The following HLA-C variants were observed in gnomAD, a reference collection of about 807,000 sequenced individuals.
The protein encoded by HLA-C is major histocompatibility complex, class I, C.
In HLA-C, 15 loss-of-function variants were observed where a neutral mutation model predicts 36.9. The ratio of observed to expected loss-of-function variants is 0.41; its 90% CI spans 0.27 to 0.63. HLA-C has a LOEUF of 0.63. Among genes scored for constraint, HLA-C ranks in the 20% least tolerant of loss-of-function variants. The probability of loss-of-function intolerance (pLI) is 0.35; values close to 1 mark genes in which losing one functional copy is unlikely to be tolerated. For synonymous variants in HLA-C, 104 were observed against 174.3 expected, an observed-to-expected ratio of 0.60 and a Z score of 3.18; for missense variants, 272 against 400.4, an observed-to-expected ratio of 0.68 and a Z score of 2.74.
exon 8 of HLA-C, chr6:31,269,118 A>C: frequency 7.2e-7 from 1 of 1,379,792 alleles, no homozygotes. Flanking sequence ...TGAAGTCACA[A>C]AGGAGAGGTG....
In HLA-C at chr6:31,269,182, C is replaced by CA. The variant is rs765288380; in HGVS notation, c.1097-10dup. On this transcript the variant is annotated splice_polypyrimidine_tract_variant and intron_variant, in intron 7 of 7. Coordinates refer to ENST00000376228, the Ensembl canonical transcript of HLA-C. ...CAGGCAGCTGTCTCAGGCTACAGAA[C>CA]ACAATAGTCATGAACAAATTCAGGT... 6.8e-7 allele frequency: 1 copy of CA among 1,467,200 alleles called. No individual in the cohort carries two copies. The highest frequency in any genetic ancestry group is 9.1e-7 in the Non-Finnish European group (1 of 1,101,180). The allele number at this position is 1,467,200 out of a possible 1,614,324, so 90.9% of individuals were successfully genotyped here. A position where few individuals can be genotyped will look rare whatever the true frequency, so the allele number is the denominator to read the frequency against.
intron 3 of HLA-C, 132 bp from the exon 4 acceptor site, chr6:31,270,617 CCT>C: frequency 4.7e-4 from 242 of 509,486 alleles, no homozygotes; most frequent in Non-Finnish European, 6.4e-4. Flanking sequence ...CAGACGCCAG[CCT>C]GGACACAGGC....
chr6:31,272,015 C>A lies in HLA-C; in HGVS notation c.57G>T (p.Leu19=). 5.7e-6 allele frequency: 6 copies of A among 1,059,442 alleles called. No individual in the cohort carries two copies. The South Asian group carries it at 9.2e-5, about 16-fold the overall frequency. 65.6% of individuals were successfully genotyped at this position (1,059,442 alleles called of 1,614,324 possible). ...CGCACTCACAGGCCCAGGTCTCGGT[C>A]AGGGCCAGGCCTCCCGAGAGCAGCA... Residue 19 remains leucine (L), a synonymous_variant, in exon 1 of 8, where the codon CTG becomes CTT. Coordinates refer to ENST00000376228, the Ensembl canonical transcript of HLA-C.
exon 8 of HLA-C, chr6:31,269,122 AG>A (rs753440750): frequency 2.9e-6 from 4 of 1,375,432 alleles, no homozygotes; most frequent in Non-Finnish European, 4.0e-6. Context: ...GTCACAAAGG[AG>A]AGGTGTGAAG....
At chr6:31,269,433 TG>T in intron 6 of HLA-C, 48 bp from the exon 7 acceptor site, 1 of 866,166 alleles carries the variant, frequency 1.2e-6, no homozygotes, top group Non-Finnish European at 1.5e-6. Flanking sequence ...GCAGGAGATG[TG>T]GGACAAGAGG....
exon 8 of HLA-C, chr6:31,269,109 G>C: frequency 7.9e-7 from 1 of 1,258,522 alleles, no homozygotes; most frequent in Non-Finnish European, 1.1e-6. Flanking sequence ...AGAGGCTCTT[G>C]AAGTCACAAA....
chr6:31,270,328 TG>T lies in HLA-C; in HGVS notation c.776del (p.Pro259GlnfsTer38). ...ACTTCTGGAAGGTTCCATCTCCTGC[TG>T]GCCTGGTCTCCACAAGCTCGGTGTC... is the stretch of plus-strand genomic sequence containing the variant. On this transcript the variant is annotated frameshift_variant, in exon 4 of 8. Coordinates refer to ENST00000376228, the Ensembl canonical transcript of HLA-C. LOFTEE classifies it high-confidence loss of function. 1 of 918,460 alleles carries T rather than the reference TG, an allele frequency of 1.1e-6. No homozygotes were observed. Among genetic ancestry groups the T allele is most frequent in the South Asian group, 1.9e-5 (1 of 52,542 alleles). 56.9% of individuals were successfully genotyped at this position (918,460 alleles called of 1,614,324 possible).
chr6:31,271,346 ACCCTGG>A lies in HLA-C; in HGVS notation c.344-4_345del. 1 of 977,128 alleles carries A rather than the reference ACCCTGG, an allele frequency of 1.0e-6. No homozygotes were observed. The highest frequency in any genetic ancestry group is 1.3e-6 in the Non-Finnish European group (1 of 742,092). 60.5% of individuals were successfully genotyped at this position (977,128 alleles called of 1,614,324 possible). A position where few individuals can be genotyped will look rare whatever the true frequency, so the allele number is the denominator to read the frequency against. Reference sequence around the variant, plus strand: ...CCAGACATCCTCTGGAGGGTGTGAGACCCTGGCCCCGCCCCCGCGGTCAGCCCAGTC... The same window carrying A: ...CCAGACATCCTCTGGAGGGTGTGAGACCCCGCCCCCGCGGTCAGCCCAGTC... On this transcript the variant is annotated splice_acceptor_variant and splice_polypyrimidine_tract_variant and coding_sequence_variant and intron_variant, in exon 3 of 8. Coordinates refer to ENST00000376228, the Ensembl canonical transcript of HLA-C. LOFTEE classifies it high-confidence loss of function.
Position 31,271,837 on chromosome 6 carries a change from GGC to G in HLA-C, c.103_104del (p.Ala35ArgfsTer63), listed in dbSNP as rs759038234. 1.2e-5 allele frequency: 15 copies of G among 1,273,408 alleles called. No homozygotes were observed. Among genetic ancestry groups the G allele is most frequent in the East Asian group, 9.8e-5 (3 of 30,684 alleles). 78.9% of individuals were successfully genotyped at this position (1,273,408 alleles called of 1,614,324 possible). On this transcript the variant is annotated frameshift_variant, in exon 2 of 8. Transcript: ENST00000376228. LOFTEE classifies it high-confidence loss of function. ...GCTCTCCGCGGCCGGGCCGGGACAC[GGC>G]GGTGTCGAAATACCTCATGGAGTGG...
rs1050685 is a variant in HLA-C at position 31,271,133 on chromosome 6, T to C, written c.559A>G (p.Thr187Ala). 6,425 of 1,101,962 alleles carry C rather than the reference T, an allele frequency of 5.8e-3. 196 individuals are homozygous for C. The highest frequency in any genetic ancestry group is 0.023 in the African/African-American group (777 of 33,612). 68.3% of individuals were successfully genotyped at this position (1,101,962 alleles called of 1,614,324 possible). ...TATCTGCGGAGCCACTCCACGCACG[T>C]GCCCTCCAGGTAGGCTCTCAGCTGC... The change falls in exon 3 of 8, where the codon ACG (threonine) becomes GCG (alanine). Residue 187 changes from threonine (T) to alanine (A), a missense_variant. Thr to Ala is a moderately conservative substitution (Grantham distance 58). Coordinates refer to ENST00000376228, the Ensembl canonical transcript of HLA-C.
At chr6:31,269,206 G>C in intron 7 of HLA-C, 33 bp from the exon 8 acceptor site, 1 of 1,346,268 alleles carries the variant, frequency 7.4e-7, no homozygotes, top group South Asian at 1.3e-5. Flanking sequence ...ACAAATTCAG[G>C]TCAGTCATGG....
Position 31,271,460 on chromosome 6 carries a change from T to C in HLA-C, c.344-112A>G. On this transcript the variant is annotated intron_variant, in intron 2 of 7. Coordinates refer to ENST00000376228, the Ensembl canonical transcript of HLA-C. ...GAAACCGGGTAAAGGCGACTGGGGC[T>C]CTCTCCGGTCGAGGGTCTGGGCGGG... 2 of 768,478 alleles carry C rather than the reference T, an allele frequency of 2.6e-6. 1 individual carries two copies. The highest frequency in any genetic ancestry group is 3.4e-6 in the Non-Finnish European group (2 of 584,520). The allele number at this position is 768,478 out of a possible 1,614,324, so 47.6% of individuals were successfully genotyped here. A position where few individuals can be genotyped will look rare whatever the true frequency, so the allele number is the denominator to read the frequency against.
chr6:31,269,023 G>A (rs116229144), exon 8 of HLA-C: 9,895 of 702,896 alleles, frequency 0.014, 193 homozygotes, highest in African/African-American at 0.07. Context: ...CACGGGGGTG[G>A]GCTGTCTCTC....
chr6:31,271,984 C>G lies in HLA-C; in HGVS notation c.73+15G>C. The G allele has an allele frequency of 9.3e-7, 1 of 1,074,010 alleles. No individual in the cohort carries two copies. The highest frequency in any genetic ancestry group is 2.9e-5 in the Admixed American group (1 of 34,828). The allele number at this position is 1,074,010 out of a possible 1,614,324, so 66.5% of individuals were successfully genotyped here. A position where few individuals can be genotyped will look rare whatever the true frequency, so the allele number is the denominator to read the frequency against. ...CTCTCCGCAGAGGCCGCTTCCCTCCCAACCCCGCACTCACAGGCCCAGGTC... is the reference window on the plus strand; with the variant it reads ...CTCTCCGCAGAGGCCGCTTCCCTCCGAACCCCGCACTCACAGGCCCAGGTC... On this transcript the variant is annotated intron_variant, in intron 1 of 7. Transcript: ENST00000376228.
At chr6:31,272,060 C>T (rs1761433363) in exon 1 of HLA-C, 2 of 1,016,530 alleles carry the variant, frequency 2.0e-6, no homozygotes, top group Non-Finnish European at 2.6e-6. Flanking sequence ...CTCGGGGCGC[C>T]ATGACCCGCA....
chr6:31,271,051 G>A lies in HLA-C; in HGVS notation c.619+22C>T. 5 of 882,928 alleles carry A rather than the reference G, an allele frequency of 5.7e-6. 2 individuals carry two copies. Among genetic ancestry groups the A allele is most frequent in the Non-Finnish European group, 7.3e-6 (5 of 684,026 alleles). 54.7% of individuals were successfully genotyped at this position (882,928 alleles called of 1,614,324 possible). ...CGGGAGATCTATAGGAGATGGGGAA[G>A]GCTCCCCACTGCCCCTGGTACCTGC... On this transcript the variant is annotated intron_variant, in intron 3 of 7. Coordinates refer to ENST00000376228, the Ensembl canonical transcript of HLA-C.
exon 3 of HLA-C, chr6:31,271,234 T>A (rs17850337): frequency 8.3e-7 from 1 of 1,198,608 alleles, no homozygotes; most frequent in Non-Finnish European, 1.1e-6. Context: ...GGAGCGCAGG[T>A]CCTCGTTCAG....
At chr6:31,271,262 C>A (rs45580333) in exon 3 of HLA-C, 1 of 1,216,382 alleles carries the variant, frequency 8.2e-7, no homozygotes, top group South Asian at 1.3e-5. Context: ...TAATCCTTGC[C>A]GTCGTAGGCG....
intron 3 of HLA-C, 110 bp from the exon 4 acceptor site, chr6:31,270,595 C>T (rs9264640): frequency 6.0e-6 from 3 of 501,482 alleles, no homozygotes; most frequent in African/African-American, 1.0e-4. Context: ...GTGGGGAAGG[C>T]GGCAGAGAAC....
Sources: allele counts gnomAD v4.1 joint callset, GRCh38; gene constraint gnomAD v4.1.1; transcripts MANE v1.5; gene names NCBI Gene and HGNC (gene_info 2026-07-23, HGNC 2026-07-21).